Variants in PPP2R2C observed in about 807,000 individuals in gnomAD.
PPP2R2C encodes protein phosphatase 2 regulatory subunit Bgamma.
Under a neutral mutation model 45.3 loss-of-function variants are expected in PPP2R2C, and 10 were observed. The observed-to-expected ratio is 0.22, with a 90% CI of 0.14 to 0.37. The LOEUF (loss-of-function observed/expected upper bound fraction) is 0.37, where lower values mean the gene tolerates loss of function less well. Among genes scored for constraint, PPP2R2C ranks in the 10% least tolerant of loss-of-function variants. The pLI, the probability that PPP2R2C is intolerant of heterozygous loss-of-function variation, is 1.00. For synonymous variants in PPP2R2C, 257 were observed against 245.4 expected (o/e 1.05, Z -0.44); for missense variants, 308 against 619.7 (o/e 0.50, Z 5.34).
chr4:6,536,262 T>C (rs2108827549), intron 1 of PPP2R2C, among the ~76,000 whole-genome samples: 1 of 152,316 alleles, frequency 6.6e-6, no homozygotes, highest in South Asian at 2.1e-4. Flanking sequence ...GAAGGTAAGA[T>C]GTTTAGAGAT....
Position 6,328,247 on chromosome 4 carries a change from G to C in PPP2R2C, c.1052+1015C>G, listed in dbSNP as rs1415675594. ...GCGGGGAGGAGGTGACAGTACATGG[G>C]CTCCTGACAGGTGGTATTCTGATCT... On this transcript the variant is annotated intron_variant, in intron 8 of 8. Coordinates refer to ENST00000382599, the MANE Select transcript of PPP2R2C (RefSeq NM_020416.4). This position sits in a 1 kb window ranked among gnomAD's most constrained non-coding sequence, Gnocchi z 4.4. Among the ~76,000 whole-genome samples the C allele has an allele frequency of 1.3e-5, 2 of 152,136 alleles. No homozygotes were observed. The highest frequency in any genetic ancestry group is 4.1e-4 in the South Asian group (2 of 4,828).
rs796223255 is a variant in PPP2R2C at position 6,363,578 on chromosome 4, C to CAA, written c.625+8943_625+8944dup. ...TGGGCGACACAGTGAGTCTCCATCTCAAAAAAAAAAAGAAAAGAAAAAGAA... is the reference window on the plus strand; with the variant it reads ...TGGGCGACACAGTGAGTCTCCATCTCAAAAAAAAAAAAAGAAAAGAAAAAGAA... On this transcript the variant is annotated intron_variant, in intron 5 of 8. Transcript: ENST00000382599. Among the ~76,000 whole-genome samples, 126 of 136,404 alleles carry CAA rather than the reference C, an allele frequency of 9.2e-4. No homozygotes were observed. In the Middle Eastern group the frequency reaches 0.012, roughly 13 times the overall value. 89.5% of individuals were successfully genotyped at this position (136,404 alleles called of 152,430 possible).
At chr4:6,521,115 G>T (rs998475140) in intron 2 of PPP2R2C, among the ~76,000 whole-genome samples, 1 of 152,194 alleles carries the variant, frequency 6.6e-6, no homozygotes, top group African/African-American at 2.4e-5. Context: ...AGGCCACACA[G>T]CATCGGTGGC....
chr4:6,402,579 G>A (rs1474742265), intron 1 of PPP2R2C, among the ~76,000 whole-genome samples: 1 of 152,192 alleles, frequency 6.6e-6, no homozygotes, highest in Admixed American at 6.5e-5. Context: ...GACCGCGCTA[G>A]GCCAGGAGTA....
chr4:6,410,305 G>A (rs139542702), intron 1 of PPP2R2C, among the ~76,000 whole-genome samples: 15 of 152,294 alleles, frequency 9.8e-5, no homozygotes, highest in African/African-American at 3.4e-4. Context: ...ACCTCAGCGT[G>A]TGATTTAATT....
intron 1 of PPP2R2C, among the ~76,000 whole-genome samples, chr4:6,404,675 G>A (rs1717671965): frequency 6.6e-6 from 1 of 152,124 alleles, no homozygotes; most frequent in African/African-American, 2.4e-5. Context: ...GGAAGCTGTA[G>A]TTAACAGATT....
chr4:6,439,940 G>C (rs929999226), intron 1 of PPP2R2C, among the ~76,000 whole-genome samples: 1 of 151,966 alleles, frequency 6.6e-6, no homozygotes, highest in Non-Finnish European at 1.5e-5. Context: ...CCTGCCCTAC[G>C]TCTTCACTTC....
chr4:6,455,993 G>GA (rs76341151), intron 1 of PPP2R2C, among the ~76,000 whole-genome samples: 2 of 146,598 alleles, frequency 1.4e-5, no homozygotes, highest in African/African-American at 5.0e-5. Context: ...AATCCTGGGG[G>GA]GGGGGAGCTG....
intron 2 of PPP2R2C, among the ~76,000 whole-genome samples, chr4:6,527,591 A>ACCCCCCCCCCCCCCCCC (rs1724257202): frequency 8.6e-6 from 1 of 116,900 alleles, no homozygotes; most frequent in African/African-American, 3.2e-5. Context: ...ACCCCGCCCG[A>ACCCCCCCCCCCCCCCCC]CCCCACCCCA....
intron 5 of PPP2R2C, among the ~76,000 whole-genome samples, chr4:6,358,365 C>T (rs1264151710): frequency 6.6e-6 from 1 of 152,044 alleles, no homozygotes; most frequent in African/African-American, 2.4e-5. Context: ...AAATGTTAGA[C>T]CTAAAACCAG....
intron 1 of PPP2R2C, among the ~76,000 whole-genome samples, chr4:6,426,206 A>G (rs1719323938): frequency 6.6e-6 from 1 of 152,232 alleles, no homozygotes; most frequent in African/African-American, 2.4e-5. Flanking sequence ...GACAGCAGCC[A>G]CAGCCTGCCT....
At chr4:6,546,195 G>C (rs1169877340) in intron 1 of PPP2R2C, among the ~76,000 whole-genome samples, 4 of 152,200 alleles carry the variant, frequency 2.6e-5, no homozygotes, top group South Asian at 4.1e-4. Context: ...TCTTCCATAA[G>C]AGGAAGGCAA....
intron 1 of PPP2R2C, among the ~76,000 whole-genome samples, chr4:6,456,699 A>G (rs1696059185): frequency 6.6e-6 from 1 of 152,188 alleles, no homozygotes; most frequent in Non-Finnish European, 1.5e-5. Flanking sequence ...CTCACGGTGA[A>G]CCACGGGCTG....
intron 2 of PPP2R2C, among the ~76,000 whole-genome samples, chr4:6,535,059 G>A (rs987278173): frequency 4.6e-5 from 7 of 152,344 alleles, no homozygotes; most frequent in Admixed American, 2.0e-4. Flanking sequence ...AGACAGGGGC[G>A]GCAATGGGGG....
intron 2 of PPP2R2C, among the ~76,000 whole-genome samples, chr4:6,525,943 C>A (rs903692243): frequency 6.6e-6 from 1 of 152,098 alleles, no homozygotes; most frequent in Non-Finnish European, 1.5e-5. Context: ...ACCTCATGAT[C>A]TGCCCGCCTC....
intron 2 of PPP2R2C, among the ~76,000 whole-genome samples, chr4:6,508,072 G>A (rs754109562): frequency 1.3e-5 from 2 of 152,182 alleles, no homozygotes; most frequent in African/African-American, 4.8e-5. Flanking sequence ...GCCAGCCTAG[G>A]CTACATAGTA....
chr4:6,330,969 A>AC lies in PPP2R2C; in HGVS notation c.961-1617dup, dbSNP rs922222396. On this transcript the variant is annotated intron_variant, in intron 7 of 8. Coordinates refer to ENST00000382599, the MANE Select transcript of PPP2R2C (RefSeq NM_020416.4). This position sits in a 1 kb window ranked among gnomAD's most constrained non-coding sequence, Gnocchi z 7.0. ...GTCACTGTGTTCCTGTCTGTCTGGG[A>AC]CCCTCGAGGGTGAGGCCGAGGTTCT... Among the ~76,000 whole-genome samples, 1 of 151,780 alleles carries AC rather than the reference A, an allele frequency of 6.6e-6. No homozygotes were observed. The highest frequency in any genetic ancestry group is 1.5e-5 in the Non-Finnish European group (1 of 67,960).
intron 5 of PPP2R2C, among the ~76,000 whole-genome samples, chr4:6,365,384 C>T (rs1241825987): frequency 6.6e-6 from 1 of 152,198 alleles, no homozygotes; most frequent in East Asian, 1.9e-4. Flanking sequence ...GAAGAGGTGG[C>T]CTGTAAGGTA....
At chr4:6,549,150 A>G (rs991473122) in intron 1 of PPP2R2C, among the ~76,000 whole-genome samples, 6 of 152,194 alleles carry the variant, frequency 3.9e-5, no homozygotes, top group African/African-American at 1.4e-4. Flanking sequence ...CCTACACTGC[A>G]GTAGCCTCCA....
Sources: allele counts gnomAD v4.1 joint callset (sites outside exome capture counted in the v4.1 genomes callset), GRCh38; gene constraint gnomAD v4.1.1; non-coding constraint Gnocchi (gnomAD v3.1); transcripts MANE v1.5; gene names NCBI Gene and HGNC (gene_info 2026-07-23, HGNC 2026-07-21).